Variants in TDRD1 observed in about 807,000 individuals in gnomAD.
The protein encoded by TDRD1 is tudor domain-containing protein 1.
A neutral mutation model predicts 140.6 loss-of-function variants in TDRD1; 37 were observed. The ratio of observed to expected loss-of-function variants is 0.26; its 90% CI spans 0.20 to 0.35. The LOEUF (loss-of-function observed/expected upper bound fraction) is 0.35. TDRD1 is among the 10% of genes least tolerant of loss of function. TDRD1 has a pLI of 1.00. For synonymous variants in TDRD1, 506 were observed against 475.7 expected (o/e 1.06, Z -0.83); for missense variants, 1,243 against 1,393.0 (o/e 0.89, Z 1.71).
chr10:114,183,673 GCTGT>G (rs2033278787), intron 1 of TDRD1, among the ~76,000 whole-genome samples: 1 of 150,640 alleles, frequency 6.6e-6, no homozygotes, highest in South Asian at 2.1e-4. Context: ...AGTATAATAG[GCTGT>G]CTATTAAAGC....
intron 25 of TDRD1, chr10:114,228,304 G>T (rs1021230793): frequency 7.3e-7 from 1 of 1,376,328 alleles, no homozygotes; most frequent in South Asian, 1.7e-5. Flanking sequence ...TTATCTGATC[G>T]TTTTCCTTTG....
chr10:114,213,427 T>C, exon 15 of TDRD1: 1 of 1,613,946 alleles, frequency 6.2e-7, no homozygotes, highest in East Asian at 2.2e-5. Flanking sequence ...ATAATCACAG[T>C]GAAAGTGGTG....
At chr10:114,206,172 C>T in intron 10 of TDRD1, 72 bp from the exon 11 acceptor site, 1 of 1,178,580 alleles carries the variant, frequency 8.5e-7, no homozygotes, top group Non-Finnish European at 1.2e-6. Context: ...TGACTTGTTT[C>T]TTCTTTACGC....
At position 114,228,633 on chromosome 10, in the gene TDRD1, C is replaced by T. The variant is rs1162192824; in HGVS notation, c.3538+508C>T. The T allele has an allele frequency of 1.6e-4, 160 of 985,286 alleles. 1 individual carries two copies. The highest frequency in any genetic ancestry group is 2.5e-4 in the Admixed American group (4 of 16,268). 61.0% of individuals were successfully genotyped at this position (985,286 alleles called of 1,614,324 possible). A position where few individuals can be genotyped will look rare whatever the true frequency, so the allele number is the denominator to read the frequency against. On this transcript the variant is annotated intron_variant, in intron 25 of 25. Coordinates refer to ENST00000251864, the Ensembl canonical transcript of TDRD1. Reference sequence around the variant, plus strand: ...TTTTCATTTAAAAACAAAACATACTCCCTGCTTTTGGCTGTGGTGATTCTA... The same window carrying T: ...TTTTCATTTAAAAACAAAACATACTTCCTGCTTTTGGCTGTGGTGATTCTA...
intron 2 of TDRD1, among the ~76,000 whole-genome samples, chr10:114,189,276 C>T (rs1336942317): frequency 6.6e-6 from 1 of 152,172 alleles, no homozygotes; most frequent in African/African-American, 2.4e-5. Flanking sequence ...GGAATTACTC[C>T]TGACTTTTAC....
chr10:114,220,726 A>G (rs2036089454), exon 19 of TDRD1: 4 of 1,613,412 alleles, frequency 2.5e-6, no homozygotes, highest in Non-Finnish European at 3.4e-6. Flanking sequence ...CAGAATAATT[A>G]GTGATGTTCT....
rs561629246 is a variant in TDRD1 at position 114,203,277 on chromosome 10, A to G, written c.801+101A>G. On this transcript the variant is annotated intron_variant, in intron 7 of 25. Transcript: ENST00000251864. ...CATGCGGTAGCTACAAAACATAAAC[A>G]TTGCAAAAACTGCCTACAATGCTGT... is the stretch of plus-strand genomic sequence containing the variant. 1.7e-3 allele frequency: 2,573 copies of G among 1,493,718 alleles called. 4 individuals carry two copies. The highest frequency in any genetic ancestry group is 2.2e-3 in the Non-Finnish European group (2,398 of 1,099,158). 92.5% of individuals were successfully genotyped at this position (1,493,718 alleles called of 1,614,324 possible).
In TDRD1 at chr10:114,227,810, C is replaced by T; in HGVS notation, c.3404-100C>T. 3 of 886,130 alleles carry T rather than the reference C, an allele frequency of 3.4e-6. No homozygotes were observed. The South Asian group carries it at 4.4e-5, about 13-fold the overall frequency. The allele number at this position is 886,130 out of a possible 1,614,324, so 54.9% of individuals were successfully genotyped here. A position where few individuals can be genotyped will look rare whatever the true frequency, so the allele number is the denominator to read the frequency against. On this transcript the variant is annotated intron_variant, in intron 23 of 25. Transcript: ENST00000251864. ...CATCCAGGTCTTTGTAGTCGGAACC[C>T]ATGCGCAAGGGGGAGAGCTATCTGT... is the stretch of plus-strand genomic sequence containing the variant.
exon 11 of TDRD1, chr10:114,206,278 A>G: frequency 6.2e-7 from 1 of 1,613,666 alleles, no homozygotes; most frequent in Non-Finnish European, 8.5e-7. Context: ...TAGAAATGGG[A>G]TATGGCTTGA....
upstream of TDRD1, among the ~76,000 whole-genome samples, chr10:114,178,498 C>T (rs2032775985): frequency 6.6e-6 from 1 of 152,124 alleles, no homozygotes; most frequent in Non-Finnish European, 1.5e-5. Context: ...AAAGGCAAGG[C>T]CTAGATCTCT....
chr10:114,196,950 G>A (rs1242299244), intron 3 of TDRD1, among the ~76,000 whole-genome samples: 3 of 142,636 alleles, frequency 2.1e-5, no homozygotes, highest in African/African-American at 8.0e-5. Flanking sequence ...GGGTTTAAGC[G>A]ATTCTCCTGT....
intron 21 of TDRD1, 129 bp from the exon 22 acceptor site, chr10:114,225,920 A>C (rs1034020697): frequency 1.0e-5 from 8 of 769,474 alleles, no homozygotes; most frequent in South Asian, 3.1e-5. Context: ...GCTTGTATTT[A>C]ATTTGAACTG....
At chr10:114,228,555 C>T (rs919716369) in intron 25 of TDRD1, 17 of 989,974 alleles carry the variant, frequency 1.7e-5, no homozygotes, top group African/African-American at 7.0e-5. Context: ...GGGCCAAGAA[C>T]GGAAAGTGGA....
intron 16 of TDRD1, among the ~76,000 whole-genome samples, chr10:114,215,852 TTCC>T (rs1388552818): frequency 6.6e-6 from 1 of 152,198 alleles, no homozygotes; most frequent in Non-Finnish European, 1.5e-5. Flanking sequence ...AGTTTCCTGG[TTCC>T]TCTTCTCAAT....
intron 4 of TDRD1, 143 bp downstream of exon 4, chr10:114,199,460 C>A: frequency 9.7e-7 from 1 of 1,028,200 alleles, no homozygotes; most frequent in Non-Finnish European, 1.3e-6. Flanking sequence ...CAGCTGTCAG[C>A]ATCCTGCTGT....
At chr10:114,227,356 T>C (rs2036496096) in intron 23 of TDRD1, 57 bp downstream of exon 23, 3 of 1,247,018 alleles carry the variant, frequency 2.4e-6, no homozygotes, top group Non-Finnish European at 3.5e-6. Flanking sequence ...TAACAGATAA[T>C]CAATTTAGTT....
intron 18 of TDRD1, among the ~76,000 whole-genome samples, chr10:114,219,928 T>C (rs1457500544): frequency 6.6e-6 from 1 of 152,154 alleles, no homozygotes; most frequent in African/African-American, 2.4e-5. Flanking sequence ...TTTATTCCAG[T>C]GCTGCTTAAA....
chr10:114,182,875 G>C (rs1485133854), intron 1 of TDRD1, among the ~76,000 whole-genome samples: 1 of 151,796 alleles, frequency 6.6e-6, no homozygotes, highest in South Asian at 2.1e-4. Flanking sequence ...TAGTAGAGAC[G>C]GGGTTTCACT....
exon 10 of TDRD1, chr10:114,204,743 A>G: frequency 6.3e-7 from 1 of 1,592,962 alleles, no homozygotes; most frequent in Non-Finnish European, 8.5e-7. Context: ...CTTTGTAGCC[A>G]ATGTTATCCC....
Sources: allele counts gnomAD v4.1 joint callset (sites outside exome capture counted in the v4.1 genomes callset), GRCh38; gene constraint gnomAD v4.1.1; transcripts MANE v1.5; gene names NCBI Gene and HGNC (gene_info 2026-07-23, HGNC 2026-07-21).